TUB: variants seen among roughly 807,000 people sequenced by gnomAD.
The protein encoded by TUB is TUB bipartite transcription factor.
A neutral mutation model predicts 59.7 loss-of-function variants in TUB; 33 were observed. The ratio of observed to expected loss-of-function variants is 0.55; its 90% CI spans 0.42 to 0.74. The LOEUF (loss-of-function observed/expected upper bound fraction) is 0.74. Ranked by LOEUF, TUB falls within the 30% of genes least tolerant of loss-of-function variation. TUB has a pLI of 0.00. For synonymous variants in TUB, 293 were observed against 256.4 expected (o/e 1.14, Z -1.36); for missense variants, 659 against 672.0 (o/e 0.98, Z 0.21).
chr11:8,089,565 G>T lies in TUB; in HGVS notation c.39-45G>T, dbSNP rs200705020. On this transcript the variant is annotated intron_variant, in intron 1 of 11. Transcript: ENST00000299506. ...GGGTGGGCTCTGGGCTGTATATCCT[G>T]GCACCTCACGGGCAAGCCCTGAAAA... is the stretch of plus-strand genomic sequence containing the variant. 1.1e-5 allele frequency: 17 copies of T among 1,613,296 alleles called. No individual in the cohort carries two copies. The African/African-American group carries it at 2.1e-4, about 20-fold the overall frequency.
chr11:8,079,200 AG>A (rs1355286180), upstream of TUB, among the ~76,000 whole-genome samples: 1 of 152,206 alleles, frequency 6.6e-6, no homozygotes, highest in Non-Finnish European at 1.5e-5. Context: ...AAATTCTTGA[AG>A]GGAAAGTCTT....
In TUB at chr11:8,019,310, G is replaced by C. The variant is rs772662859; in HGVS notation, c.8G>C (p.Gly3Ala). The change falls in exon 1 of 12, where the codon GGA becomes GCA. Residue 3 changes from glycine (G) to alanine (A), a missense_variant. Gly to Ala is a moderately conservative substitution (Grantham distance 60). Transcript: ENST00000534099. ...GCGGAGCCGGAGGCGGCGATGGAGG[G>C]AGTCAGCAGCCACCGGACCCTGTCT... 2.3e-6 allele frequency: 3 copies of C among 1,277,798 alleles called. No individual in the cohort carries two copies. The South Asian group carries it at 8.5e-5, about 36-fold the overall frequency. The allele number at this position is 1,277,798 out of a possible 1,614,324, so 79.2% of individuals were successfully genotyped here.
chr11:8,098,814 A>T lies in TUB; in HGVS notation c.1055A>T (p.Lys352Met), dbSNP rs772842096. ...TVYDNGVNPQ[K>M]ASSSTLESGT... Reference sequence around the variant, plus strand: ...TATGACAATGGAGTCAACCCTCAGAAGGCCTCATCCTCCACTTTGGAAAGT... The same window carrying T: ...TATGACAATGGAGTCAACCCTCAGATGGCCTCATCCTCCACTTTGGAAAGT... Residue 352 changes from lysine (K) to methionine (M), a missense_variant, in exon 9 of 12, where the codon AAG becomes ATG. Physicochemically the swap from Lys to Met is moderately conservative, Grantham distance 95. This residue lies in a region of TUB where 226 missense variants were observed against 210.8 expected (regional missense o/e 1.07). Transcript: ENST00000299506. The T allele has an allele frequency of 6.2e-7, 1 of 1,614,210 alleles. No individual in the cohort carries two copies. The highest frequency in any genetic ancestry group is 2.2e-5 in the East Asian group (1 of 44,882).
intron 3 of TUB, 144 bp from the exon 4 acceptor site, chr11:8,093,902 G>T (rs1943866984): frequency 2.2e-6 from 2 of 913,986 alleles, no homozygotes; most frequent in Admixed American, 2.1e-5. Flanking sequence ...GCCTGATCCT[G>T]TGGGCTGTAG....
At chr11:8,067,940 A>G (rs1943277507) in intron 2 of TUB, 1 of 152,304 alleles carries the variant, frequency 6.6e-6, no homozygotes, top group Admixed American at 6.5e-5. Context: ...TGCTATTCCC[A>G]CTGGGTTCCC....
intron 9 of TUB, 119 bp downstream of exon 9, chr11:8,098,994 G>A (rs1308337194): frequency 1.3e-6 from 1 of 779,798 alleles, no homozygotes; most frequent in Non-Finnish European, 2.2e-6. Flanking sequence ...TGTGGAGAGG[G>A]GCTGTCCTCT....
intron 2 of TUB, among the ~76,000 whole-genome samples, chr11:8,064,811 G>A (rs1007886324): frequency 2.0e-5 from 3 of 152,222 alleles, no homozygotes; most frequent in African/African-American, 7.2e-5. Context: ...AGTAAGTCAG[G>A]GCAGACATGG....
intron 1 of TUB, among the ~76,000 whole-genome samples, chr11:8,087,075 C>T (rs1440534078): frequency 2.0e-5 from 3 of 152,206 alleles, no homozygotes; most frequent in South Asian, 2.1e-4. Context: ...TAGTCCATGG[C>T]AAGTGGGATG....
At chr11:8,054,776 C>T (rs1407392177) in intron 2 of TUB, among the ~76,000 whole-genome samples, 1 of 152,208 alleles carries the variant, frequency 6.6e-6, no homozygotes, top group African/African-American at 2.4e-5. Context: ...TGTGTTCATA[C>T]ATGTGCATGG....
intron 11 of TUB, among the ~76,000 whole-genome samples, 179 bp downstream of exon 11, chr11:8,101,176 C>G (rs1944283505): frequency 6.6e-6 from 1 of 152,168 alleles, no homozygotes; most frequent in Non-Finnish European, 1.5e-5. Flanking sequence ...GAAGAACCTT[C>G]TTTGCAGCCC....
chr11:8,085,905 T>C (rs1943655892), intron 1 of TUB, among the ~76,000 whole-genome samples: 1 of 152,182 alleles, frequency 6.6e-6, no homozygotes, highest in East Asian at 1.9e-4. Context: ...TGCTCTGATA[T>C]CTGTGGGGTG....
chr11:8,063,300 G>T (rs1381620498), intron 2 of TUB, among the ~76,000 whole-genome samples: 2 of 152,164 alleles, frequency 1.3e-5, no homozygotes, highest in African/African-American at 2.4e-5. Flanking sequence ...TCTTAAAAAA[G>T]AATTCAGTTA....
intron 6 of TUB, 65 bp from the exon 7 acceptor site, chr11:8,097,163 C>T (rs932274975): frequency 6.3e-7 from 1 of 1,576,758 alleles, no homozygotes; most frequent in African/African-American, 1.3e-5. Flanking sequence ...GATTTGGATC[C>T]CAGACCACCA....
rs888666969 is a variant in TUB at position 8,105,539 on chromosome 11, A to G, written c.*3920A>G. Reference sequence around the variant, plus strand: ...AAGTGGAAAGGCAAGTTGGTCTTATAGAAAGCACTACTGCACTTAGTAGCT... The same window carrying G: ...AAGTGGAAAGGCAAGTTGGTCTTATGGAAAGCACTACTGCACTTAGTAGCT... On this transcript the variant is annotated 3_prime_UTR_variant, in exon 12 of 12. Transcript: ENST00000299506. The G allele has an allele frequency of 1.3e-5, 2 of 152,240 alleles. No individual in the cohort carries two copies. Among genetic ancestry groups the G allele is most frequent in the African/African-American group, 4.8e-5 (2 of 41,444 alleles). 9.4% of individuals were successfully genotyped at this position (152,240 alleles called of 1,614,324 possible). A position where few individuals can be genotyped will look rare whatever the true frequency, so the allele number is the denominator to read the frequency against.
At chr11:8,093,311 C>T (rs1564919104) in intron 3 of TUB, among the ~76,000 whole-genome samples, 1 of 152,076 alleles carries the variant, frequency 6.6e-6, no homozygotes, top group Non-Finnish European at 1.5e-5. Context: ...GAGTGCAGTG[C>T]ATGTGAGGCA....
In TUB at chr11:8,088,223, G is replaced by A. The variant is rs74618524; in HGVS notation, c.39-1387G>A. ...ACCTGCTAGTTAAAAAACATGCATA[G>A]TCCTCATAGATCGTGGCCAAGGTGG... is the stretch of plus-strand genomic sequence containing the variant. On this transcript the variant is annotated intron_variant, in intron 1 of 11. Coordinates refer to ENST00000299506, the MANE Select transcript of TUB (RefSeq NM_177972.3). 2.8e-3 allele frequency among the ~76,000 whole-genome samples: 419 copies of A among 152,316 alleles called. 4 individuals are homozygous for A. The East Asian group carries it at 0.049, about 18-fold the overall frequency.
chr11:8,041,544 A>G (rs940900306), intron 2 of TUB, among the ~76,000 whole-genome samples: 2 of 152,240 alleles, frequency 1.3e-5, no homozygotes, highest in African/African-American at 2.4e-5. Context: ...TCATCCACCC[A>G]TTACTTGGCA....
chr11:8,043,894 G>A (rs1942790408), intron 2 of TUB, among the ~76,000 whole-genome samples: 1 of 152,024 alleles, frequency 6.6e-6, no homozygotes, highest in Admixed American at 6.6e-5. Flanking sequence ...GATGCCTTTT[G>A]TTTCATTTTC....
intron 2 of TUB, among the ~76,000 whole-genome samples, chr11:8,051,576 C>A (rs1942935402): frequency 6.6e-6 from 1 of 152,196 alleles, no homozygotes; most frequent in Admixed American, 6.5e-5. Context: ...ACATTTCTTT[C>A]CAGAAAGGCT....
Sources: allele counts gnomAD v4.1 joint callset (sites outside exome capture counted in the v4.1 genomes callset), GRCh38; gene constraint gnomAD v4.1.1; regional missense constraint gnomAD v4.1.1; transcripts MANE v1.5; gene names NCBI Gene and HGNC (gene_info 2026-07-23, HGNC 2026-07-21).